HSPA9: variants seen among roughly 807,000 people sequenced by gnomAD.
HSPA9 encodes the protein heat shock protein family A (Hsp70) member 9.
In HSPA9, 28 loss-of-function variants were observed where a neutral mutation model predicts 81.5. The observed-to-expected ratio is 0.34, with a 90% CI of 0.25 to 0.47. The LOEUF (loss-of-function observed/expected upper bound fraction) is 0.47, where lower values mean the gene tolerates loss of function less well. HSPA9 is among the 20% of genes least tolerant of loss of function. The pLI, the probability that HSPA9 is intolerant of heterozygous loss-of-function variation, is 1.00. For missense variants in HSPA9, 678 were observed against 838.0 expected (o/e 0.81, Z 2.36); for synonymous variants, 293 against 290.4 (o/e 1.01, Z -0.09).
intron 1 of HSPA9, chr5:138,574,996 G>T: frequency 1.7e-6 from 1 of 591,324 alleles, no homozygotes. Flanking sequence ...ACCACTACCT[G>T]GTAATTTTGA....
intron 12 of HSPA9, 118 bp downstream of exon 12, chr5:138,558,435 C>CA (rs1205771845): frequency 1.3e-6 from 1 of 764,972 alleles, no homozygotes. Context: ...CCCTTCTTCT[C>CA]AAGACTACTC....
intron 16 of HSPA9, 109 bp from the exon 17 acceptor site, chr5:138,556,223 C>A: frequency 9.4e-7 from 1 of 1,059,066 alleles, no homozygotes. Flanking sequence ...TCATTCATTT[C>A]TATTCCACTC....
At chr5:138,568,828 A>G in intron 5 of HSPA9, 97 bp downstream of exon 5, 1 of 1,304,466 alleles carries the variant, frequency 7.7e-7, no homozygotes, top group Non-Finnish European at 1.1e-6. Flanking sequence ...AAAAGGGACC[A>G]CAGATTCATC....
chr5:138,574,081 T>C lies in HSPA9; in HGVS notation c.127A>G (p.Arg43Gly), dbSNP rs367924466. The C allele has an allele frequency of 6.2e-7, 1 of 1,613,694 alleles. No individual in the cohort carries two copies. Among genetic ancestry groups the C allele is most frequent in the Non-Finnish European group, 8.5e-7 (1 of 1,179,636 alleles). ...LSHEAFRLVS[R>G]RDYASEAIKG... Reference sequence around the variant, plus strand: ...TATTATACTTACGCATAATCCCGCCTTGAAACAAGTCTAAAAGCCTCATGA... The same window carrying C: ...TATTATACTTACGCATAATCCCGCCCTGAAACAAGTCTAAAAGCCTCATGA... Residue 43 changes from arginine to glycine, a missense_variant, in exon 2 of 17, where the codon AGG (arginine) becomes GGG (glycine). Physicochemically the swap from Arg to Gly is moderately radical, Grantham distance 125 (BLOSUM62 -2). This residue lies in a region of HSPA9 where 89 missense variants were observed against 70.4 expected (regional missense o/e 1.27). Coordinates refer to ENST00000297185, the MANE Select transcript of HSPA9 (RefSeq NM_004134.7).
In HSPA9 at chr5:138,567,460, G is replaced by A; in HGVS notation, c.711C>T (p.Asp237=). 1 of 1,611,232 alleles carries A rather than the reference G, an allele frequency of 6.2e-7. No individual in the cohort carries two copies. The highest frequency in any genetic ancestry group is 1.7e-5 in the Admixed American group (1 of 60,018). ...AATTTACTGCACAAACTTACACTTT[G>A]TCTTCTGATTTGTCTAGACCATAGG... ...ALAYGLDKSE[D]KVIAVYDLGG... is the part of the protein sequence containing the mutation. The change falls in exon 7 of 17, where the codon GAC becomes GAT. Residue 237 remains aspartate, a synonymous_variant. Coordinates refer to ENST00000297185, the MANE Select transcript of HSPA9 (RefSeq NM_004134.7).
chr5:138,560,287 T>C (rs768604408), intron 10 of HSPA9, among the ~76,000 whole-genome samples, 196 bp from the exon 11 acceptor site: 83 of 152,336 alleles, frequency 5.4e-4, no homozygotes, highest in Non-Finnish European at 8.4e-4. Context: ...TTTATACCTA[T>C]AGAAGTATCT....
intron 3 of HSPA9, among the ~76,000 whole-genome samples, chr5:138,571,960 C>CTTTTTTTTTTTTTTTTTTTT (rs10694029): frequency 1.0e-5 from 1 of 100,456 alleles, no homozygotes; most frequent in African/African-American, 4.2e-5. Flanking sequence ...CTGCGCCTGG[C>CTTTTTTTTTTTTTTTTTTTT]TTTTTTTTTT....
chr5:138,557,390 A>C lies in HSPA9; in HGVS notation c.1728+12T>G, dbSNP rs757269141. The C allele has an allele frequency of 6.4e-7, 1 of 1,566,956 alleles. No homozygotes were observed. The highest frequency in any genetic ancestry group is 8.8e-7 in the Non-Finnish European group (1 of 1,138,582). On this transcript the variant is annotated intron_variant, in intron 14 of 16. Transcript: ENST00000297185. ...TACTAAGATTAAAGTTCAGAAGACAAGAAGTAATCACCTTCTTTCGCCGGT... is the reference window on the plus strand; with the variant it reads ...TACTAAGATTAAAGTTCAGAAGACACGAAGTAATCACCTTCTTTCGCCGGT...
rs1750478580 is a variant in HSPA9, at chr5:138,554,469, C to T, written c.*1568G>A. ...ATTGAGTGTTCATGTGGTTGGAAACCTGAGCCTAGAATTTTTCACGAATCC... is the reference window on the plus strand; with the variant it reads ...ATTGAGTGTTCATGTGGTTGGAAACTTGAGCCTAGAATTTTTCACGAATCC... On this transcript the variant is annotated 3_prime_UTR_variant, in exon 17 of 17. Coordinates refer to ENST00000297185, the MANE Select transcript of HSPA9 (RefSeq NM_004134.7). Among the ~76,000 whole-genome samples the T allele has an allele frequency of 6.6e-6, 1 of 152,188 alleles. No homozygotes were observed. Among genetic ancestry groups the T allele is most frequent in the Admixed American group, 6.5e-5 (1 of 15,280 alleles).
chr5:138,568,910 A>G lies in HSPA9; in HGVS notation c.535+15T>C, dbSNP rs1367364278. On this transcript the variant is annotated intron_variant, in intron 5 of 16. Transcript: ENST00000297185. ...GTTCTTAGAACTTTCCCAGATGTGA[A>G]CTAAACCCACTCACCTGCAGTCTCT... The G allele has an allele frequency of 1.2e-6, 2 of 1,613,394 alleles. No homozygotes were observed. The highest frequency in any genetic ancestry group is 8.5e-7 in the Non-Finnish European group (1 of 1,179,498).
rs1186465592 is a variant in HSPA9 at position 138,573,989 on chromosome 5, AG to A, written c.140+78del. 4.0e-5 allele frequency: 48 copies of A among 1,196,420 alleles called. No individual in the cohort carries two copies. In the African/African-American group the frequency reaches 1.0e-3, roughly 26 times the overall value. The allele number at this position is 1,196,420 out of a possible 1,614,324, so 74.1% of individuals were successfully genotyped here. On this transcript the variant is annotated intron_variant, in intron 2 of 16. Transcript: ENST00000297185. ...AAATACAGATAAATAATTACAGAGA[AG>A]AATAATCACAAATGTAGAAAACACT...
intron 7 of HSPA9, 116 bp from the exon 8 acceptor site, chr5:138,567,279 G>C: frequency 1.9e-6 from 2 of 1,030,614 alleles, no homozygotes; most frequent in South Asian, 1.4e-5. Context: ...CCTGAGATAT[G>C]TACTAGTTAA....
intron 10 of HSPA9, among the ~76,000 whole-genome samples, chr5:138,560,494 C>A (rs1424149805): frequency 6.6e-6 from 1 of 152,076 alleles, no homozygotes; most frequent in Non-Finnish European, 1.5e-5. Flanking sequence ...TAACATGGGG[C>A]ATGGTCTTCC....
At chr5:138,563,879 C>T (rs1750708130) in intron 9 of HSPA9, among the ~76,000 whole-genome samples, 1 of 152,194 alleles carries the variant, frequency 6.6e-6, no homozygotes, top group Admixed American at 6.5e-5. Flanking sequence ...TTGGACAAGC[C>T]TGCTCTAGCC....
Position 138,571,121 on chromosome 5 carries a change from A to G in HSPA9, c.249T>C (p.Gly83=). The G allele has an allele frequency of 6.2e-7, 1 of 1,613,840 alleles. No individual in the cohort carries two copies. The highest frequency in any genetic ancestry group is 8.5e-7 in the Non-Finnish European group (1 of 1,179,992). ...KQAKVLENAE[G]ARTTPSVVAF... is the part of the protein sequence containing the mutation. ...CCACAACTGAAGGGGTGGTTCTGGC[A>G]CCTTCGGCATTCTCCAGCACCTAAA... The change falls in exon 4 of 17, where the codon GGT becomes GGC. Residue 83 remains glycine (G), a synonymous_variant. Transcript: ENST00000297185.
intron 5 of HSPA9, 141 bp downstream of exon 5, chr5:138,568,778 GAAGTAT>G: frequency 1.3e-6 from 1 of 790,128 alleles, no homozygotes; most frequent in African/African-American, 1.7e-5. Context: ...GGGAAAGCAT[GAAGTAT>G]AACACAGTTT....
chr5:138,558,849 C>T, intron 11 of HSPA9, 192 bp from the exon 12 acceptor site: 1 of 564,434 alleles, frequency 1.8e-6, no homozygotes, highest in Non-Finnish European at 3.2e-6. Context: ...ACAATAGCAA[C>T]TGTTTCAGCT....
chr5:138,565,359 A>G (rs1580746296), intron 9 of HSPA9, among the ~76,000 whole-genome samples: 3 of 151,206 alleles, frequency 2.0e-5, no homozygotes, highest in Middle Eastern at 3.4e-3. Context: ...TAACTATGTC[A>G]CTCCTCACAG....
In HSPA9 at chr5:138,556,587, G is replaced by C. The variant is rs1262630438; in HGVS notation, c.1827C>G (p.Asn609Lys). 1 of 1,613,856 alleles carries C rather than the reference G, an allele frequency of 6.2e-7. No individual in the cohort carries two copies. The highest frequency in any genetic ancestry group is 2.2e-5 in the East Asian group (1 of 44,872). ...FKDQLPADEC[N>K]KLKEEISKMR... ...TTTTGGAAATCTCTTCTTTCAGCTT[G>C]TTGCACTTAAAAAAAGAAAACAAAA... Residue 609 changes from asparagine (N) to lysine (K), a missense_variant, in exon 16 of 17, where the codon AAC becomes AAG. By Grantham distance (94) the Asn-to-Lys change is moderately conservative (BLOSUM62 0). Around this residue, in one of 4 missense-constraint regions of HSPA9, gnomAD observed 100 missense variants for 99.5 expected, o/e 1.00. Coordinates refer to ENST00000297185, the MANE Select transcript of HSPA9 (RefSeq NM_004134.7).
Sources: allele counts gnomAD v4.1 joint callset (sites outside exome capture counted in the v4.1 genomes callset), GRCh38; gene constraint gnomAD v4.1.1; regional missense constraint gnomAD v4.1.1; transcripts MANE v1.5; gene names NCBI Gene and HGNC (gene_info 2026-07-23, HGNC 2026-07-21).